Variants in CCDC192 observed in about 807,000 individuals in gnomAD.
The protein encoded by CCDC192 is coiled-coil domain-containing protein 192.
intron 3 of CCDC192, among the ~76,000 whole-genome samples, chr5:127,770,975 T>C (rs571909118): frequency 6.6e-6 from 1 of 152,332 alleles, no homozygotes; most frequent in African/African-American, 2.4e-5. Flanking sequence ...TGGCTGTAAA[T>C]CACAGTATTC....
chr5:127,743,571 C>T (rs750466211), intron 2 of CCDC192, among the ~76,000 whole-genome samples: 2 of 152,162 alleles, frequency 1.3e-5, no homozygotes, highest in African/African-American at 2.4e-5. Flanking sequence ...AGGTTGTGCT[C>T]ATCCAGGCCA....
intron 6 of CCDC192, among the ~76,000 whole-genome samples, chr5:127,912,419 C>CAAAAAAAAAAA (rs60854127): frequency 0.24 from 19,685 of 80,734 alleles, 3,992 homozygotes; most frequent in Non-Finnish European, 0.28. Context: ...CTGGGTTTAG[C>CAAAAAAAAAAA]AAAAAAAAAA....
At chr5:127,803,285 T>C (rs1757604950) in intron 5 of CCDC192, among the ~76,000 whole-genome samples, 1 of 152,220 alleles carries the variant, frequency 6.6e-6, no homozygotes, top group African/African-American at 2.4e-5. Flanking sequence ...TTAAATTTAC[T>C]GTGCCTAGTC....
At chr5:127,903,937 A>C (rs150677476) in intron 6 of CCDC192, among the ~76,000 whole-genome samples, 54 of 152,340 alleles carry the variant, frequency 3.5e-4, no homozygotes, top group African/African-American at 1.3e-3. Flanking sequence ...CTCCCCCAAA[A>C]GATGTCTTTA....
intron 2 of CCDC192, among the ~76,000 whole-genome samples, chr5:127,716,491 A>C (rs985225411): frequency 3.3e-5 from 5 of 152,152 alleles, no homozygotes; most frequent in Non-Finnish European, 5.9e-5. Context: ...TGTTTGGTAG[A>C]TTTCAGCAGT....
chr5:127,834,506 A>G (rs1749946338), intron 5 of CCDC192, among the ~76,000 whole-genome samples: 2 of 152,210 alleles, frequency 1.3e-5, no homozygotes, highest in South Asian at 4.1e-4. Flanking sequence ...AAAAATAACA[A>G]AAGCAAAACT....
chr5:127,814,335 C>T (rs1416389363), intron 5 of CCDC192, among the ~76,000 whole-genome samples: 1 of 152,144 alleles, frequency 6.6e-6, no homozygotes, highest in Non-Finnish European at 1.5e-5. Context: ...CAAGTTATGT[C>T]CAGTTTGAGC....
chr5:127,883,916 G>T (rs983014940), intron 6 of CCDC192, among the ~76,000 whole-genome samples: 1 of 152,144 alleles, frequency 6.6e-6, no homozygotes, highest in African/African-American at 2.4e-5. Flanking sequence ...TGAACCGCGG[G>T]CTTTCTAGAC....
intron 5 of CCDC192, among the ~76,000 whole-genome samples, chr5:127,821,679 T>C (rs542442758): frequency 7.2e-5 from 11 of 152,222 alleles, no homozygotes; most frequent in Admixed American, 5.9e-4. Context: ...TTCAGAGTTA[T>C]AGAAAAAAAG....
intron 2 of CCDC192, among the ~76,000 whole-genome samples, chr5:127,724,603 C>T (rs930773067): frequency 2.0e-5 from 3 of 152,128 alleles, no homozygotes; most frequent in Non-Finnish European, 4.4e-5. Flanking sequence ...GTAATCCCAG[C>T]ACTTTCGGAG....
chr5:127,861,102 G>A (rs568118153), intron 5 of CCDC192, among the ~76,000 whole-genome samples: 14 of 151,862 alleles, frequency 9.2e-5, no homozygotes, highest in African/African-American at 3.4e-4. Flanking sequence ...TTCACCTTTC[G>A]GGTTCAAGCA....
intron 5 of CCDC192, among the ~76,000 whole-genome samples, chr5:127,835,956 A>G (rs182893323): frequency 6.6e-6 from 1 of 152,306 alleles, no homozygotes; most frequent in Non-Finnish European, 1.5e-5. Context: ...ATGCCTTCCC[A>G]ACAGTCCCTC....
chr5:127,933,169 T>C (rs532561824), intron 6 of CCDC192, among the ~76,000 whole-genome samples: 55 of 152,272 alleles, frequency 3.6e-4, no homozygotes, highest in Non-Finnish European at 6.6e-4. Flanking sequence ...TTACGTGCTA[T>C]CGAAGTAAAG....
intron 3 of CCDC192, among the ~76,000 whole-genome samples, chr5:127,783,423 A>G (rs1272175050): frequency 6.6e-6 from 1 of 152,154 alleles, no homozygotes; most frequent in South Asian, 2.1e-4. Context: ...ATGTATTTGC[A>G]TGATTTTGAA....
At chr5:127,804,480 A>G (rs1212771077) in intron 5 of CCDC192, among the ~76,000 whole-genome samples, 1 of 152,218 alleles carries the variant, frequency 6.6e-6, no homozygotes, top group Non-Finnish European at 1.5e-5. Context: ...ATACCCAGGC[A>G]TCATGGTGAA....
In CCDC192 at chr5:127,941,431, A is replaced by T. The variant is rs1203226541; in HGVS notation, c.785A>T (p.His262Leu). ...CCAGAAGCCCCAGTTTTCTCTACTC[A>T]TGACATCCCACCTGTGGTCTCTGAT... ...CLPEAPVFST[H>L]DIPPVVSDEN... The change falls in exon 7 of 7, where the codon CAT (histidine) becomes CTT (leucine). Residue 262 changes from histidine (H) to leucine (L), a missense_variant. Transcript: ENST00000514853. 1 of 398,954 alleles carries T rather than the reference A, an allele frequency of 2.5e-6. No individual in the cohort carries two copies. Among genetic ancestry groups the T allele is most frequent in the African/African-American group, 2.1e-5 (1 of 48,652 alleles). 24.7% of individuals were successfully genotyped at this position (398,954 alleles called of 1,614,324 possible).
intron 3 of CCDC192, among the ~76,000 whole-genome samples, chr5:127,781,325 T>C (rs2126933326): frequency 6.6e-6 from 1 of 152,328 alleles, no homozygotes; most frequent in African/African-American, 2.4e-5. Context: ...TCTTCCTTGG[T>C]TCTACATGAA....
intron 5 of CCDC192, among the ~76,000 whole-genome samples, chr5:127,873,069 A>T (rs1172784989): frequency 3.9e-5 from 6 of 152,194 alleles, no homozygotes; most frequent in African/African-American, 7.2e-5. Context: ...CATTCTATCC[A>T]TCAAATTATT....
intron 5 of CCDC192, among the ~76,000 whole-genome samples, chr5:127,857,254 T>C (rs1403617805): frequency 6.6e-6 from 1 of 152,142 alleles, no homozygotes; most frequent in African/African-American, 2.4e-5. Context: ...GTGTGTACCA[T>C]TATAGTCCTT....
Sources: allele counts gnomAD v4.1 joint callset (sites outside exome capture counted in the v4.1 genomes callset), GRCh38; gene constraint gnomAD v4.1.1; transcripts MANE v1.5; gene names NCBI Gene and HGNC (gene_info 2026-07-23, HGNC 2026-07-21).